Variants in CCDC62 observed in about 807,000 individuals in gnomAD.
The protein encoded by CCDC62 is coiled-coil domain-containing protein 62.
A neutral mutation model predicts 80.8 loss-of-function variants in CCDC62; 72 were observed. The observed-to-expected ratio is 0.89, with a 90% CI of 0.74 to 1.08. The LOEUF (loss-of-function observed/expected upper bound fraction) is 1.08, where lower values mean the gene tolerates loss of function less well. Ranked by LOEUF, CCDC62 falls within the 50% of genes least tolerant of loss-of-function variation. The pLI, the probability that CCDC62 is intolerant of heterozygous loss-of-function variation, is 0.00. For synonymous variants in CCDC62, 286 were observed against 296.5 expected (o/e 0.96, Z 0.36); for missense variants, 704 against 809.4 (o/e 0.87, Z 1.58).
chr12:122,797,764 A>G (rs1206295691), intron 7 of CCDC62, among the ~76,000 whole-genome samples: 2 of 151,474 alleles, frequency 1.3e-5, no homozygotes, highest in African/African-American at 4.9e-5. Context: ...CTGGTCTCGA[A>G]CTCCTGACCT....
intron 8 of CCDC62, among the ~76,000 whole-genome samples, chr12:122,800,164 CTTTTTTTTT>C (rs59113229): frequency 3.8e-5 from 4 of 104,980 alleles, no homozygotes; most frequent in Middle Eastern, 6.7e-3. Context: ...TGCCCGGCTA[CTTTTTTTTT>C]TTTTTTTTTT....
At chr12:122,804,457 A>C (rs1364767591) in intron 9 of CCDC62, among the ~76,000 whole-genome samples, 3 of 152,130 alleles carry the variant, frequency 2.0e-5, no homozygotes, top group African/African-American at 2.4e-5. Flanking sequence ...ACTGCACTGC[A>C]GCCTGGGCAA....
chr12:122,826,003 A>G lies in CCDC62; in HGVS notation c.*41-419A>G, dbSNP rs927246058. Among the ~76,000 whole-genome samples the G allele has an allele frequency of 5.2e-5, 6 of 115,192 alleles. No individual in the cohort carries two copies. The East Asian group carries it at 1.2e-3, about 23-fold the overall frequency. 75.6% of individuals were successfully genotyped at this position (115,192 alleles called of 152,430 possible). A position where few individuals can be genotyped will look rare whatever the true frequency, so the allele number is the denominator to read the frequency against. On this transcript the variant is annotated intron_variant, in intron 12 of 12. Transcript: ENST00000253079. ...AACGAAACTCCGTCTCAAAAAAAAAAAAAAAAAAAAGTTTTACATCGAGTA... is the reference window on the plus strand; with the variant it reads ...AACGAAACTCCGTCTCAAAAAAAAAGAAAAAAAAAAGTTTTACATCGAGTA...
intron 5 of CCDC62, among the ~76,000 whole-genome samples, chr12:122,791,226 C>A (rs12319160): frequency 6.6e-6 from 1 of 151,754 alleles, no homozygotes; most frequent in Non-Finnish European, 1.5e-5. Context: ...CTGCAACCCC[C>A]GCCTGCCTCT....
intron 5 of CCDC62, among the ~76,000 whole-genome samples, chr12:122,790,404 T>C (rs1052418532): frequency 6.6e-6 from 1 of 152,186 alleles, no homozygotes; most frequent in Admixed American, 6.5e-5. Flanking sequence ...GGCTCACATC[T>C]GTAATCCTAG....
intron 8 of CCDC62, among the ~76,000 whole-genome samples, chr12:122,800,489 G>A (rs577817372): frequency 4.7e-5 from 7 of 149,906 alleles, no homozygotes; most frequent in Non-Finnish European, 5.9e-5. Flanking sequence ...TGCCAATGGC[G>A]CGATCTCAGC....
chr12:122,774,648 C>T lies in CCDC62; in HGVS notation c.-23C>T. 3 of 1,247,210 alleles carry T rather than the reference C, an allele frequency of 2.4e-6. No individual in the cohort carries two copies. Among genetic ancestry groups the T allele is most frequent in the Non-Finnish European group, 3.0e-6 (3 of 986,828 alleles). The allele number at this position is 1,247,210 out of a possible 1,614,324, so 77.3% of individuals were successfully genotyped here. On this transcript the variant is annotated 5_prime_UTR_variant, in exon 1 of 13. Transcript: ENST00000253079. ...AGGTGACGCCGCCCACACCGGGCTTCTCCGGGGGCGGAGGAAACACCTATG... is the reference window on the plus strand; with the variant it reads ...AGGTGACGCCGCCCACACCGGGCTTTTCCGGGGGCGGAGGAAACACCTATG...
At chr12:122,824,769 A>T (rs1485272516) in intron 12 of CCDC62, among the ~76,000 whole-genome samples, 2 of 152,192 alleles carry the variant, frequency 1.3e-5, no homozygotes, top group Non-Finnish European at 2.9e-5. Context: ...GATGCCCATC[A>T]ATCAACTAAT....
intron 2 of CCDC62, among the ~76,000 whole-genome samples, chr12:122,778,738 G>A (rs1879636610): frequency 6.6e-6 from 1 of 152,060 alleles, no homozygotes; most frequent in South Asian, 2.1e-4. Flanking sequence ...AATTAGCGGG[G>A]CATGGTGGTG....
chr12:122,813,536 T>C, intron 11 of CCDC62, 117 bp downstream of exon 11: 1 of 915,144 alleles, frequency 1.1e-6, no homozygotes, highest in East Asian at 2.8e-5. Flanking sequence ...TTTCTGTGTC[T>C]CTAGGGAGGA....
chr12:122,806,217 G>A lies in CCDC62; in HGVS notation c.1773G>A (p.Glu591=), dbSNP rs1169093046. 1 of 1,613,508 alleles carries A rather than the reference G, an allele frequency of 6.2e-7. No homozygotes were observed. Among genetic ancestry groups the A allele is most frequent in the Non-Finnish European group, 8.5e-7 (1 of 1,179,568 alleles). ...GSSKSALRED[E]TESSSNKKNS... ...CAAAATCTGCCTTGAGAGAAGATGAGACGGAGTCCTCTTCCAATAAAAAGA... is the reference window on the plus strand; with the variant it reads ...CAAAATCTGCCTTGAGAGAAGATGAAACGGAGTCCTCTTCCAATAAAAAGA... Residue 591 remains glutamate, a synonymous_variant, in exon 10 of 13, where the codon GAG becomes GAA. Transcript: ENST00000253079.
chr12:122,788,938 G>T lies in CCDC62; in HGVS notation c.670+9G>T. On this transcript the variant is annotated intron_variant, in intron 5 of 12. Transcript: ENST00000253079. ...AGTCAACAAACTAAAAGGTAAGGAA[G>T]AGACCTACATTTAAGATACAAATGT... 1 of 1,570,244 alleles carries T rather than the reference G, an allele frequency of 6.4e-7. No homozygotes were observed. Among genetic ancestry groups the T allele is most frequent in the Non-Finnish European group, 8.6e-7 (1 of 1,161,166 alleles).
At chr12:122,798,236 A>G in intron 8 of CCDC62, 36 bp downstream of exon 8, 1 of 985,306 alleles carries the variant, frequency 1.0e-6, no homozygotes, top group Non-Finnish European at 1.6e-6. Flanking sequence ...ATGATCTTGT[A>G]TTATATTCCA....
At chr12:122,800,799 A>G (rs1040957675) in intron 8 of CCDC62, among the ~76,000 whole-genome samples, 3 of 152,230 alleles carry the variant, frequency 2.0e-5, no homozygotes, top group African/African-American at 7.2e-5. Context: ...TTCCTAAGAT[A>G]TCAGAATGAT....
chr12:122,789,874 G>A (rs554849414), intron 5 of CCDC62, among the ~76,000 whole-genome samples: 2 of 152,242 alleles, frequency 1.3e-5, no homozygotes, highest in East Asian at 3.9e-4. Flanking sequence ...CCCCTTGACA[G>A]CAGGAACAGA....
chr12:122,818,269 G>A (rs1206318165), intron 11 of CCDC62, among the ~76,000 whole-genome samples: 11 of 152,058 alleles, frequency 7.2e-5, no homozygotes, highest in South Asian at 4.2e-4. Context: ...TGTCTAACAC[G>A]GTGAAACCCC....
intron 10 of CCDC62, among the ~76,000 whole-genome samples, chr12:122,811,747 G>A (rs12817488): frequency 0.4 from 58,368 of 146,608 alleles, 12,250 homozygotes; most frequent in East Asian, 0.53. Context: ...GCTTGAACCC[G>A]GGAGTTGGAG....
chr12:122,805,509 C>CCT (rs2031552980), intron 9 of CCDC62, among the ~76,000 whole-genome samples: 2 of 49,506 alleles, frequency 4.0e-5, no homozygotes, highest in Non-Finnish European at 6.8e-5. Context: ...ACACCCAGCT[C>CCT]TTTTTTTTTT....
At chr12:122,777,910 C>G (rs1879581954) in intron 2 of CCDC62, among the ~76,000 whole-genome samples, 1 of 152,118 alleles carries the variant, frequency 6.6e-6, no homozygotes, top group Non-Finnish European at 1.5e-5. Context: ...GGATGGAGCT[C>G]CAGTCAACAT....
Sources: gnomAD v4.1 joint callset for allele counts (sites outside exome capture counted in the v4.1 genomes callset) on GRCh38, gnomAD v4.1.1 for gene constraint, MANE v1.5 for transcripts, NCBI Gene and HGNC (gene_info 2026-07-23, HGNC 2026-07-21) for gene names.